The following PRDM1 variants were observed in gnomAD, a reference collection of about 807,000 sequenced individuals.
PRDM1 encodes the protein PR domain zinc finger protein 1.
In PRDM1, 13 loss-of-function variants were observed where a neutral mutation model predicts 62.8. That is an observed-to-expected ratio of 0.21 (90% CI 0.13 to 0.33). The LOEUF (loss-of-function observed/expected upper bound fraction) is 0.33, where lower values mean the gene tolerates loss of function less well. Ranked by LOEUF, PRDM1 falls within the 10% of genes least tolerant of loss-of-function variation. PRDM1 has a pLI of 1.00. For missense variants in PRDM1, 895 were observed against 1,058.8 expected, an observed-to-expected ratio of 0.85 and a Z score of 2.15; for synonymous variants, 396 against 417.6, an observed-to-expected ratio of 0.95 and a Z score of 0.63.
rs1162555238 is a variant in PRDM1, at chr6:106,104,949, A to T, written c.789A>T (p.Gly263=). ...ILKLDSNPSK[G]KDLYRSNISP... ...AATTGGACTCCAACCCCTCCAAAGG[A>T]AAGGACCTCTACCGTTCTAACATTT... Residue 263 remains glycine (G), a synonymous_variant, in exon 5 of 7, where the codon GGA becomes GGT. Coordinates refer to ENST00000369096, the MANE Select transcript of PRDM1 (RefSeq NM_001198.4). 6.2e-7 allele frequency: 1 copy of T among 1,614,142 alleles called. No individual in the cohort carries two copies. The highest frequency in any genetic ancestry group is 2.2e-5 in the East Asian group (1 of 44,876).
At position 106,105,240 on chromosome 6, in the gene PRDM1, G is replaced by C. The variant is rs1774426425; in HGVS notation, c.1080G>C (p.Val360=). 1.2e-6 allele frequency: 2 copies of C among 1,613,608 alleles called. 1 individual carries two copies. The highest frequency in any genetic ancestry group is 2.2e-5 in the South Asian group (2 of 91,084). ...SSPHSSPGNT[V]SPVGPGSQEH... is the part of the protein sequence containing the mutation. ...CTCACAGCAGCCCTGGGAATACGGTGTCCCCTGTGGGCCCCGGCTCTCAAG... is the reference window on the plus strand; with the variant it reads ...CTCACAGCAGCCCTGGGAATACGGTCTCCCCTGTGGGCCCCGGCTCTCAAG... The change falls in exon 5 of 7, where the codon GTG becomes GTC. Residue 360 remains valine, a synonymous_variant. Transcript: ENST00000369096.
chr6:106,083,225 TG>T (rs1290658230), upstream of PRDM1, among the ~76,000 whole-genome samples: 1 of 416 alleles, frequency 2.4e-3, no homozygotes, highest in Non-Finnish European at 5.2e-3. Flanking sequence ...GGGGTGAGGG[TG>T]GGTGGGTGGT....
intron 1 of PRDM1, among the ~76,000 whole-genome samples, chr6:106,050,499 G>A (rs1487026184): frequency 6.6e-6 from 1 of 152,168 alleles, no homozygotes; most frequent in Non-Finnish European, 1.5e-5. Context: ...TGGATATAAA[G>A]TATTGAGATT....
chr6:106,105,295 GCGTCCTACGGCA>G lies in PRDM1; in HGVS notation c.1138_1149del (p.Ser380_Thr383del). 1 of 1,613,526 alleles carries G rather than the reference GCGTCCTACGGCA, an allele frequency of 6.2e-7. No individual in the cohort carries two copies. The highest frequency in any genetic ancestry group is 8.5e-7 in the Non-Finnish European group (1 of 1,179,724). ...CCGGGACTCCTACGCTTACTTGAAC[GCGTCCTACGGCA>G]CGGAAGGTTTGGGCTCCTACCCTGG... On this transcript the variant is annotated inframe_deletion, in exon 5 of 7. Coordinates refer to ENST00000369096, the MANE Select transcript of PRDM1 (RefSeq NM_001198.4).
At chr6:106,065,291 C>A (rs1382473547) in intron 1 of PRDM1, among the ~76,000 whole-genome samples, 3 of 152,114 alleles carry the variant, frequency 2.0e-5, no homozygotes, top group Non-Finnish European at 4.4e-5. Flanking sequence ...TGCCACCACA[C>A]AATCTTATAT....
intron 1 of PRDM1, among the ~76,000 whole-genome samples, chr6:106,032,121 A>G (rs1772851100): frequency 6.6e-6 from 1 of 152,202 alleles, no homozygotes; most frequent in Admixed American, 6.5e-5. Context: ...TTCACATGAA[A>G]TTATCAAGAA....
chr6:106,049,386 A>C (rs774844125), intron 1 of PRDM1, among the ~76,000 whole-genome samples: 1 of 152,174 alleles, frequency 6.6e-6, no homozygotes, highest in African/African-American at 2.4e-5. Context: ...TGTGCTTTCC[A>C]TGCATCCCTT....
chr6:106,030,467 C>T (rs987288720), intron 1 of PRDM1, among the ~76,000 whole-genome samples: 2 of 152,106 alleles, frequency 1.3e-5, no homozygotes, highest in Non-Finnish European at 2.9e-5. Context: ...GCCACCATAC[C>T]CAGCCCATTT....
chr6:106,001,443 G>T (rs1239483124), intron 1 of PRDM1, among the ~76,000 whole-genome samples: 1 of 152,100 alleles, frequency 6.6e-6, no homozygotes, highest in African/African-American at 2.4e-5. Context: ...AAAAGTTATA[G>T]ATATAGTTAC....
At chr6:106,073,620 T>C (rs912406245) in intron 1 of PRDM1, among the ~76,000 whole-genome samples, 1 of 152,234 alleles carries the variant, frequency 6.6e-6, no homozygotes, top group African/African-American at 2.4e-5. Flanking sequence ...ATTTAAATGT[T>C]ATTTGTGATT....
chr6:106,095,057 A>ACC (rs1206672503), intron 2 of PRDM1, among the ~76,000 whole-genome samples: 3 of 150,502 alleles, frequency 2.0e-5, no homozygotes, highest in African/African-American at 7.3e-5. Context: ...AAAAAAAAAC[A>ACC]CACACACACA....
At chr6:106,048,667 T>A (rs902044941) in exon 1 of PRDM1, among the ~76,000 whole-genome samples, 1 of 152,116 alleles carries the variant, frequency 6.6e-6, no homozygotes, top group African/African-American at 2.4e-5. Flanking sequence ...CAGCACAGGG[T>A]CTTATCAGGA....
intron 3 of PRDM1, chr6:106,098,917 G>C: frequency 6.6e-7 from 1 of 1,512,868 alleles, no homozygotes; most frequent in Non-Finnish European, 8.9e-7. Context: ...AGCACTAAAA[G>C]TCAGCATAAT....
At chr6:106,007,207 G>A (rs765080781) in intron 1 of PRDM1, among the ~76,000 whole-genome samples, 15 of 151,796 alleles carry the variant, frequency 9.9e-5, no homozygotes, top group East Asian at 1.9e-4. Flanking sequence ...CGAGGAGGGC[G>A]GATCACGAGG....
rs72941693 is a variant in PRDM1 at position 106,103,559 on chromosome 6, C to T, written c.665-1266C>T. Reference sequence around the variant, plus strand: ...AATAATCAGAGCTCAAACTAAACATCGTATGTTTTACTTTTGGTTTCCAGG... The same window carrying T: ...AATAATCAGAGCTCAAACTAAACATTGTATGTTTTACTTTTGGTTTCCAGG... On this transcript the variant is annotated intron_variant, in intron 4 of 6. Transcript: ENST00000369096. 5.1e-3 allele frequency among the ~76,000 whole-genome samples: 782 copies of T among 152,218 alleles called. 4 individuals are homozygous for T. The highest frequency in any genetic ancestry group is 0.017 in the Middle Eastern group (5 of 292).
At position 105,994,060 on chromosome 6, in the gene PRDM1, A is replaced by T. The variant is rs1772317135; in HGVS notation, c.-67+421A>T. Among the ~76,000 whole-genome samples the T allele has an allele frequency of 6.6e-6, 1 of 152,236 alleles. No individual in the cohort carries two copies. The highest frequency in any genetic ancestry group is 2.4e-5 in the African/African-American group (1 of 41,460). The stretch of plus-strand genomic sequence containing the variant: ...TGTACGCTAGTTGAAGTGGGGCAGG[A>T]GCACTGATTCCTGGACAGTCACTCA... On this transcript the variant is annotated intron_variant, in intron 1 of 6. Coordinates refer to the PRDM1 transcript ENST00000652320. The surrounding 1 kb of genome is among the most constrained non-coding windows in gnomAD (Gnocchi z 4.1).
intron 4 of PRDM1, 68 bp from the exon 5 acceptor site, chr6:106,104,757 C>T: frequency 2.7e-6 from 4 of 1,505,376 alleles, no homozygotes; most frequent in Non-Finnish European, 3.6e-6. Flanking sequence ...GAAGGAGGAG[C>T]AACTTTGGCA....
chr6:106,105,666 C>G lies in PRDM1; in HGVS notation c.1506C>G (p.Ala502=), dbSNP rs1381162199. 6.2e-7 allele frequency: 1 copy of G among 1,612,104 alleles called. No homozygotes were observed. The highest frequency in any genetic ancestry group is 1.1e-5 in the South Asian group (1 of 91,046). ...GTGCCTTCTCCTTTACCGGGGCCGC[C>G]GCCAGCATGAAGGACAAGGCCTGTA... ...PHSAFSFTGA[A]ASMKDKACSP... The change falls in exon 5 of 7, where the codon GCC becomes GCG. Residue 502 remains alanine, a synonymous_variant. Coordinates refer to ENST00000369096, the MANE Select transcript of PRDM1 (RefSeq NM_001198.4).
chr6:106,000,381 A>G (rs1307473734), intron 1 of PRDM1, among the ~76,000 whole-genome samples: 1 of 152,160 alleles, frequency 6.6e-6, no homozygotes, highest in African/African-American at 2.4e-5. Flanking sequence ...CCAGAGGTTC[A>G]AGGCTGCTGT....
Sources: allele counts gnomAD v4.1 joint callset (sites outside exome capture counted in the v4.1 genomes callset), GRCh38; gene constraint gnomAD v4.1.1; non-coding constraint Gnocchi (gnomAD v3.1); transcripts MANE v1.5; gene names NCBI Gene and HGNC (gene_info 2026-07-23, HGNC 2026-07-21).